HTR4: variants seen among roughly 807,000 people sequenced by gnomAD.
The protein encoded by HTR4 is 5-hydroxytryptamine receptor 4.
In HTR4, 16 loss-of-function variants were observed where a neutral mutation model predicts 36.8. The ratio of observed to expected loss-of-function variants is 0.43; its 90% CI spans 0.29 to 0.66. The LOEUF is 0.66. HTR4 is among the 30% of genes least tolerant of loss of function. HTR4 has a pLI of 0.13. For synonymous variants in HTR4, 189 were observed against 185.1 expected (o/e 1.02, Z -0.17); for missense variants, 438 against 490.9 (o/e 0.89, Z 1.02).
chr5:148,636,654 A>T (rs1248402433), intron 2 of HTR4, among the ~76,000 whole-genome samples: 1 of 152,210 alleles, frequency 6.6e-6, no homozygotes, highest in African/African-American at 2.4e-5. Context: ...TCAAGTTTAG[A>T]TATACAGATA....
chr5:148,534,671 C>T (rs1296874354), intron 4 of HTR4, among the ~76,000 whole-genome samples: 1 of 152,088 alleles, frequency 6.6e-6, no homozygotes, highest in Non-Finnish European at 1.5e-5. Flanking sequence ...GGAGGCCAGA[C>T]CATCTCTCAT....
chr5:148,559,011 A>G (rs552682018), intron 2 of HTR4, among the ~76,000 whole-genome samples: 186 of 152,292 alleles, frequency 1.2e-3, no homozygotes, highest in Non-Finnish European at 2.4e-3. Flanking sequence ...AGCCTAGCCT[A>G]CCTTAAATGT....
Position 148,510,553 on chromosome 5 carries a change from C to A in HTR4, c.508-529G>T, listed in dbSNP as rs554111319. 7.2e-5 allele frequency among the ~76,000 whole-genome samples: 11 copies of A among 152,346 alleles called. No individual in the cohort carries two copies. The South Asian group carries it at 2.1e-3, about 29-fold the overall frequency. ...AGTGCAGATTCCTGCCCACTCCCTGCTGCCACCCCTCCACTCTCATCCCTG... is the reference window on the plus strand; with the variant it reads ...AGTGCAGATTCCTGCCCACTCCCTGATGCCACCCCTCCACTCTCATCCCTG... On this transcript the variant is annotated intron_variant, in intron 5 of 6. Transcript: ENST00000377888.
intron 2 of HTR4, among the ~76,000 whole-genome samples, chr5:148,568,139 T>G (rs1034112253): frequency 8.5e-5 from 13 of 152,190 alleles, no homozygotes; most frequent in Non-Finnish European, 1.3e-4. Context: ...CAAGACGTTA[T>G]ATATGTTACA....
intron 4 of HTR4, among the ~76,000 whole-genome samples, chr5:148,530,673 G>C (rs747399791): frequency 1.3e-5 from 2 of 152,188 alleles, no homozygotes; most frequent in Non-Finnish European, 2.9e-5. Context: ...CCAACTAGTA[G>C]AGCTGCGAGA....
intron 5 of HTR4, among the ~76,000 whole-genome samples, chr5:148,522,166 C>T (rs947922816): frequency 1.3e-5 from 2 of 152,178 alleles, no homozygotes; most frequent in African/African-American, 4.8e-5. Context: ...TTGCCTCCTG[C>T]CATGATTGTG....
At chr5:148,481,500 C>T, downstream of HTR4, 1 of 1,409,148 alleles carries the variant, frequency 7.1e-7, no homozygotes, top group Non-Finnish European at 9.5e-7. Context: ...ATGACTTTCT[C>T]CCCAACAGAA....
At position 148,503,584 on chromosome 5, in the gene HTR4, C is replaced by T. The variant is rs570951737; in HGVS notation, c.1076+5872G>A. Reference sequence around the variant, plus strand: ...CAAGGCTAGGAAGAAACTGCATCAACTAACGAGCAAAATAACCAGCTAACA... The same window carrying T: ...CAAGGCTAGGAAGAAACTGCATCAATTAACGAGCAAAATAACCAGCTAACA... On this transcript the variant is annotated intron_variant, in intron 6 of 6. Coordinates refer to ENST00000377888, the MANE Select transcript of HTR4 (RefSeq NM_000870.7). 9.8e-5 allele frequency among the ~76,000 whole-genome samples: 15 copies of T among 152,290 alleles called. No individual in the cohort carries two copies. In the East Asian group the frequency reaches 2.5e-3, roughly 25 times the overall value.
intron 1 of HTR4, among the ~76,000 whole-genome samples, chr5:148,653,781 G>A (rs1015989486): frequency 1.3e-5 from 2 of 152,156 alleles, no homozygotes; most frequent in African/African-American, 4.8e-5. Context: ...CCCTTGTATA[G>A]TCAGTGAGCA....
At chr5:148,501,950 CT>C (rs1756953635) in intron 6 of HTR4, among the ~76,000 whole-genome samples, 1 of 151,790 alleles carries the variant, frequency 6.6e-6, no homozygotes, top group African/African-American at 2.4e-5. Flanking sequence ...GTCCCAGCTA[CT>C]GGGGAGGATG....
At chr5:148,454,757 T>C (rs1253403645) in intron 5 of HTR4, among the ~76,000 whole-genome samples, 1 of 152,194 alleles carries the variant, frequency 6.6e-6, no homozygotes, top group Admixed American at 6.5e-5. Flanking sequence ...ACTGGTATTA[T>C]ACAGAGGCGA....
intron 6 of HTR4, among the ~76,000 whole-genome samples, chr5:148,493,898 A>G (rs955223297): frequency 4.6e-5 from 7 of 152,326 alleles, no homozygotes; most frequent in Non-Finnish European, 7.3e-5. Flanking sequence ...CGTTGAATAC[A>G]ATTGTAACCT....
At position 148,482,548 on chromosome 5, in the gene HTR4, AGAG is replaced by A. The variant is rs755898174; in HGVS notation, c.*652_*654del. 1.0e-6 allele frequency: 1 copy of A among 985,982 alleles called. No individual in the cohort carries two copies. Among genetic ancestry groups the A allele is most frequent in the Non-Finnish European group, 1.2e-6 (1 of 830,342 alleles). The allele number at this position is 985,982 out of a possible 1,614,324, so 61.1% of individuals were successfully genotyped here. On this transcript the variant is annotated 3_prime_UTR_variant, in exon 7 of 7. Transcript: ENST00000377888. ...GGAAAATAAATGGAGCATGTCCTGA[AGAG>A]GAGGACAGACATTGGACATAAGGAA...
At chr5:148,642,718 C>A (rs1478946637) in intron 1 of HTR4, among the ~76,000 whole-genome samples, 1 of 152,096 alleles carries the variant, frequency 6.6e-6, no homozygotes, top group Non-Finnish European at 1.5e-5. Flanking sequence ...AAACTTGCAA[C>A]AAAGAAAATA....
intron 6 of HTR4, among the ~76,000 whole-genome samples, chr5:148,492,325 A>G (rs1040721886): frequency 2.0e-5 from 3 of 152,236 alleles, no homozygotes; most frequent in African/African-American, 2.4e-5. Flanking sequence ...GGCATATTCA[A>G]AATAACAGCC....
chr5:148,555,857 A>T (rs1759925181), intron 2 of HTR4, among the ~76,000 whole-genome samples: 1 of 152,078 alleles, frequency 6.6e-6, no homozygotes, highest in African/African-American at 2.4e-5. Context: ...GTGAAAATGG[A>T]CTGTGAATGA....
At chr5:148,645,954 C>A (rs1207192306) in intron 1 of HTR4, 1 of 152,220 alleles carries the variant, frequency 6.6e-6, no homozygotes, top group Non-Finnish European at 1.5e-5. Flanking sequence ...TTTCAGAGGT[C>A]TGGAATTGGG....
chr5:148,569,835 T>C (rs1239611937), intron 2 of HTR4, among the ~76,000 whole-genome samples: 4 of 152,004 alleles, frequency 2.6e-5, no homozygotes, highest in Admixed American at 2.0e-4. Context: ...GCACACCCAA[T>C]TGTTAATCAT....
At chr5:148,576,124 A>AAAAAAAAAAAAAAAAAAAC (rs1760901506) in intron 2 of HTR4, among the ~76,000 whole-genome samples, 2 of 147,414 alleles carry the variant, frequency 1.4e-5, no homozygotes, top group African/African-American at 5.1e-5. Flanking sequence ...AAAAAAAAAA[A>AAAAAAAAAAAAAAAAAAAC]AAAAAAAAAC....
Sources: gnomAD v4.1 joint callset for allele counts (sites outside exome capture counted in the v4.1 genomes callset) on GRCh38, gnomAD v4.1.1 for gene constraint, MANE v1.5 for transcripts, NCBI Gene and HGNC (gene_info 2026-07-23, HGNC 2026-07-21) for gene names.